HVCN1: variants seen among roughly 807,000 people sequenced by gnomAD.
The protein encoded by HVCN1 is voltage-gated hydrogen channel 1.
HVCN1 carries 14 observed loss-of-function variants against 29.2 expected under a neutral mutation model. The observed-to-expected ratio is 0.48, with a 90% confidence interval of 0.32 to 0.75. The LOEUF (loss-of-function observed/expected upper bound fraction) is 0.75. HVCN1 is among the 30% of genes least tolerant of loss of function. The pLI, the probability that HVCN1 is intolerant of heterozygous loss-of-function variation, is 0.04. For missense variants in HVCN1, 263 were observed against 341.8 expected (o/e 0.77, Z 1.82); for synonymous variants, 131 against 133.2 (o/e 0.98, Z 0.11).
At position 110,651,433 on chromosome 12, in the gene HVCN1, T is replaced by C. The variant is rs1435366457; in HGVS notation, c.427A>G (p.Ser143Gly). The C allele has an allele frequency of 6.2e-7, 1 of 1,612,246 alleles. No individual in the cohort carries two copies. Among genetic ancestry groups the C allele is most frequent in the Admixed American group, 1.7e-5 (1 of 59,984 alleles). The change falls in exon 6 of 8, where the codon AGC becomes GGC. Residue 143 changes from serine to glycine, a missense_variant. Physicochemically the swap from Ser to Gly is moderately conservative, Grantham distance 56. Transcript: ENST00000242607. ...ATAAAAAAGACCAAGATGGTGATGC[T>C]CATGTAGTGGAATACCTGAAGGGGA... The part of the protein sequence containing the change: ...NYAAMVFHYM[S>G]ITILVFFMME...
chr12:110,682,975 A>C (rs1014616549), intron 3 of HVCN1: 5 of 443,576 alleles, frequency 1.1e-5, no homozygotes, highest in African/African-American at 6.3e-5. Flanking sequence ...AAAAAAAAAA[A>C]AACAAAAAAA....
chr12:110,683,956 T>C (rs2069088906), intron 2 of HVCN1, among the ~76,000 whole-genome samples: 1 of 148,776 alleles, frequency 6.7e-6, no homozygotes, highest in South Asian at 2.1e-4. Flanking sequence ...AAATAAAGTA[T>C]TGATACTTAT....
At position 110,658,450 on chromosome 12, in the gene HVCN1, C is replaced by T. The variant is rs747602074; in HGVS notation, c.306+2714G>A. 1.3e-5 allele frequency among the ~76,000 whole-genome samples: 2 copies of T among 152,166 alleles called. No individual in the cohort carries two copies. The highest frequency in any genetic ancestry group is 2.4e-5 in the African/African-American group (1 of 41,440). On this transcript the variant is annotated intron_variant, in intron 4 of 7. Transcript: ENST00000242607. The surrounding 1 kb of genome is among the most constrained non-coding windows in gnomAD (Gnocchi z 5.0). ...CGTGGATGACCTTCCCTGGCCTCTT[C>T]TCTTGCCAATTGCCTGCTGGCAACA...
chr12:110,650,225 C>T lies in HVCN1; in HGVS notation c.699G>A (p.Gln233=). 1 of 1,613,712 alleles carries T rather than the reference C, an allele frequency of 6.2e-7. No homozygotes were observed. The highest frequency in any genetic ancestry group is 8.5e-7 in the Non-Finnish European group (1 of 1,179,652). Reference sequence around the variant, plus strand: ...TCTTGGCGGCCAATTGTACATTCATCTGTTTTAACCTTAAGAGTTGCCGTT... The same window carrying T: ...TCTTGGCGGCCAATTGTACATTCATTTGTTTTAACCTTAAGAGTTGCCGTT... ...RSERQLLRLK[Q]MNVQLAAKIQ... The change falls in exon 7 of 8, where the codon CAG becomes CAA. Residue 233 remains glutamine (Q), a synonymous_variant. Transcript: ENST00000242607.
At chr12:110,673,820 G>C (rs1030480631) in intron 3 of HVCN1, among the ~76,000 whole-genome samples, 1 of 152,246 alleles carries the variant, frequency 6.6e-6, no homozygotes, top group African/African-American at 2.4e-5. Context: ...GGAAATGCCT[G>C]AATGCCCAGC....
At chr12:110,655,151 G>A (rs755122859) in intron 5 of HVCN1, 83 bp downstream of exon 5, 57 of 995,394 alleles carry the variant, frequency 5.7e-5, no homozygotes, top group Non-Finnish European at 7.8e-5. Flanking sequence ...TGGGGTGTCA[G>A]CTGCTCCACT....
chr12:110,694,773 C>T (rs931582564), upstream of HVCN1, among the ~76,000 whole-genome samples: 1 of 152,198 alleles, frequency 6.6e-6, no homozygotes, highest in Non-Finnish European at 1.5e-5. This position sits in a 1 kb window ranked among gnomAD's most constrained non-coding sequence, Gnocchi z 4.6. Flanking sequence ...GCCTGGGCAC[C>T]GATGCCTGAT....
At position 110,652,950 on chromosome 12, in the gene HVCN1, C is replaced by T. The variant is rs1026038652; in HGVS notation, c.412-1502G>A. Reference sequence around the variant, plus strand: ...TGGGACCCCTGGCGTGGTGTGCCTCCTGAAAATGCCACATCCAGAACATCG... The same window carrying T: ...TGGGACCCCTGGCGTGGTGTGCCTCTTGAAAATGCCACATCCAGAACATCG... On this transcript the variant is annotated intron_variant, in intron 5 of 7. Transcript: ENST00000242607. 2.6e-5 allele frequency among the ~76,000 whole-genome samples: 4 copies of T among 152,260 alleles called. No individual in the cohort carries two copies. In the South Asian group the frequency reaches 8.3e-4, roughly 32 times the overall value.
intron 3 of HVCN1, 79 bp downstream of exon 3, chr12:110,683,146 C>A: frequency 6.3e-7 from 1 of 1,581,396 alleles, no homozygotes; most frequent in Non-Finnish European, 8.7e-7. Context: ...TTCTCCCTCT[C>A]CTGTTTGAAA....
chr12:110,700,829 G>A (rs2069556855), intron 2 of HVCN1, among the ~76,000 whole-genome samples: 2 of 152,154 alleles, frequency 1.3e-5, no homozygotes, highest in South Asian at 2.1e-4. Context: ...TTCCCTGCTC[G>A]GCATCTCTTG....
intron 2 of HVCN1, among the ~76,000 whole-genome samples, chr12:110,701,835 C>T (rs183722770): frequency 5.9e-4 from 89 of 150,930 alleles, no homozygotes; most frequent in African/African-American, 2.0e-3. Flanking sequence ...CCAGCCTGGG[C>T]GACAGAATGA....
intron 3 of HVCN1, among the ~76,000 whole-genome samples, chr12:110,674,113 A>G (rs967559079): frequency 6.6e-6 from 1 of 152,252 alleles, no homozygotes; most frequent in Admixed American, 6.5e-5. Flanking sequence ...GCCCAAGACT[A>G]TGGGAACCTA....
At chr12:110,662,910 A>G (rs940572293) in intron 3 of HVCN1, among the ~76,000 whole-genome samples, 1 of 152,218 alleles carries the variant, frequency 6.6e-6, no homozygotes, top group Non-Finnish European at 1.5e-5. Flanking sequence ...AATCAAAAAG[A>G]GAAAGAAAAA....
chr12:110,696,535 C>A lies in HVCN1; in HGVS notation c.-104+5774G>T, dbSNP rs1049094280. On this transcript the variant is annotated intron_variant, in intron 2 of 4. Transcript: ENST00000546713. ...GTGGAGACCAGCCTGGGCAACATAG[C>A]AAGACCCCATCTCTAAGAAAAAAAA... Among the ~76,000 whole-genome samples, 5 of 151,654 alleles carry A rather than the reference C, an allele frequency of 3.3e-5. No individual in the cohort carries two copies. The South Asian group carries it at 1.0e-3, about 32-fold the overall frequency.
intron 2 of HVCN1, 153 bp from the exon 3 acceptor site, chr12:110,683,417 G>GTAT: frequency 1.2e-6 from 1 of 830,248 alleles, no homozygotes; most frequent in Non-Finnish European, 1.8e-6. Flanking sequence ...TATGTAGGAG[G>GTAT]GCATACATCC....
chr12:110,689,609 G>A (rs984875317), upstream of HVCN1: 3 of 152,400 alleles, frequency 2.0e-5, no homozygotes, highest in Admixed American at 1.3e-4. The surrounding 1 kb of genome is among the most constrained non-coding windows in gnomAD (Gnocchi z 5.7). Flanking sequence ...TGCCATGCAG[G>A]GGTGGAGGGT....
At chr12:110,699,647 G>A (rs911662881) in intron 2 of HVCN1, among the ~76,000 whole-genome samples, 2 of 152,110 alleles carry the variant, frequency 1.3e-5, no homozygotes, top group African/African-American at 4.8e-5. Context: ...TGAGGCTGAA[G>A]AGTGAAATGG....
chr12:110,682,282 C>T (rs2069009822), intron 3 of HVCN1, among the ~76,000 whole-genome samples: 2 of 152,192 alleles, frequency 1.3e-5, no homozygotes, highest in East Asian at 1.9e-4. Flanking sequence ...GCCACCGTGC[C>T]TTTGCCTCCT....
intron 4 of HVCN1, among the ~76,000 whole-genome samples, chr12:110,655,833 T>C (rs979545342): frequency 1.3e-5 from 2 of 151,530 alleles, no homozygotes; most frequent in African/African-American, 2.4e-5. Context: ...GCCTCCCGAG[T>C]AGCTGGGATA....
Sources: gnomAD v4.1 joint callset for allele counts (sites outside exome capture counted in the v4.1 genomes callset) on GRCh38, gnomAD v4.1.1 for gene constraint, Gnocchi (gnomAD v3.1) non-coding constraint, MANE v1.5 for transcripts, NCBI Gene and HGNC (gene_info 2026-07-23, HGNC 2026-07-21) for gene names.